The following WDR20 variants were observed in gnomAD, a reference collection of about 807,000 sequenced individuals.
The protein encoded by WDR20 is WD repeat domain 20.
Under a neutral mutation model 38.7 loss-of-function variants are expected in WDR20, and 3 were observed. That is an observed-to-expected ratio of 0.08 (90% confidence interval 0.04 to 0.20). The LOEUF (loss-of-function observed/expected upper bound fraction) is 0.20, where lower values mean the gene tolerates loss of function less well. Ranked by LOEUF, WDR20 falls within the 10% of genes least tolerant of loss-of-function variation. The pLI, the probability that WDR20 is intolerant of heterozygous loss-of-function variation, is 1.00. For synonymous variants in WDR20, 298 were observed against 285.6 expected (o/e 1.04, Z -0.44); for missense variants, 559 against 727.7 (o/e 0.77, Z 2.67).
At chr14:102,147,213 G>C (rs1266824729) in intron 1 of WDR20, among the ~76,000 whole-genome samples, 1 of 152,100 alleles carries the variant, frequency 6.6e-6, no homozygotes, top group African/African-American at 2.4e-5. Context: ...TGGCCAACAC[G>C]GGGAAACCAC....
chr14:102,211,954 G>T (rs550634951), downstream of WDR20, among the ~76,000 whole-genome samples: 11 of 152,280 alleles, frequency 7.2e-5, no homozygotes, highest in East Asian at 1.9e-3. The surrounding 1 kb of genome is among the most constrained non-coding windows in gnomAD (Gnocchi z 4.2). Flanking sequence ...GTGTGTGCCC[G>T]AGTAACCAAC....
At chr14:102,182,830 A>C (rs1191013617) in intron 1 of WDR20, among the ~76,000 whole-genome samples, 1 of 152,132 alleles carries the variant, frequency 6.6e-6, no homozygotes, top group Non-Finnish European at 1.5e-5. Context: ...CTTTGCAAAT[A>C]TGTACATGTA....
rs183095753 is a variant in WDR20, at chr14:102,152,470, A to G, written c.249+12298A>G. Among the ~76,000 whole-genome samples, 650 of 150,684 alleles carry G rather than the reference A, an allele frequency of 4.3e-3. 7 individuals carry two copies. The highest frequency in any genetic ancestry group is 0.015 in the African/African-American group (621 of 41,020). On this transcript the variant is annotated intron_variant, in intron 1 of 2. Transcript: ENST00000342702. ...TTGCTCTGTCACCAGGCTGGAGTAC[A>G]GTGGGGTGATCTCGGCTCACTGCAG...
chr14:102,141,159 T>A (rs2050945054), intron 1 of WDR20, among the ~76,000 whole-genome samples: 2 of 152,348 alleles, frequency 1.3e-5, no homozygotes, highest in South Asian at 4.1e-4. Context: ...AGTCTTTGAC[T>A]TGATGTCATG....
Position 102,210,026 on chromosome 14 carries a change from C to G in WDR20, c.*146C>G. The G allele has an allele frequency of 7.0e-7, 1 of 1,424,210 alleles. No individual in the cohort carries two copies. The highest frequency in any genetic ancestry group is 3.0e-5 in the Admixed American group (1 of 32,972). 88.2% of individuals were successfully genotyped at this position (1,424,210 alleles called of 1,614,324 possible). A position where few individuals can be genotyped will look rare whatever the true frequency, so the allele number is the denominator to read the frequency against. On this transcript the variant is annotated 3_prime_UTR_variant, in exon 3 of 3. Coordinates refer to ENST00000342702, the MANE Select transcript of WDR20 (RefSeq NM_144574.4). ...AGCCATAATTTTGGATACTGCATGC[C>G]ATGTAATTCTGAATCATTTGATAAT...
Position 102,209,755 on chromosome 14 carries a change from A to G in WDR20, c.1585A>G (p.Lys529Glu). ...DVPLLEPLICKKIAHERLTVL... is the reference protein window; with the variant it reads ...DVPLLEPLICEKIAHERLTVL... ...TCCCTTGTTAGAGCCGCTGATATGT[A>G]AAAAGATAGCACATGAGAGACTGAC... The change falls in exon 3 of 3, where the codon AAA becomes GAA. Residue 529 changes from lysine to glutamate, a missense_variant. By Grantham distance (56) the Lys-to-Glu change is moderately conservative. Coordinates refer to ENST00000342702, the MANE Select transcript of WDR20 (RefSeq NM_144574.4). The surrounding 1 kb of genome is among the most constrained non-coding windows in gnomAD (Gnocchi z 6.0). 1 of 1,614,128 alleles carries G rather than the reference A, an allele frequency of 6.2e-7. No individual in the cohort carries two copies. The highest frequency in any genetic ancestry group is 8.5e-7 in the Non-Finnish European group (1 of 1,180,044).
Position 102,148,094 on chromosome 14 carries a change from TTC to T in WDR20, c.249+7924_249+7925del, listed in dbSNP as rs2054331000. ...TGGAATTTAGTATCTCAGAGAATAA[TTC>T]TGTTTGTTTCTCAGTGAGGTTAGTT... On this transcript the variant is annotated intron_variant, in intron 1 of 2. Transcript: ENST00000342702. Among the ~76,000 whole-genome samples, 2 of 152,324 alleles carry T rather than the reference TTC, an allele frequency of 1.3e-5. 1 individual carries two copies. The highest frequency in any genetic ancestry group is 6.8e-3 in the Middle Eastern group (2 of 294).
chr14:102,145,802 A>T (rs1391664860), intron 1 of WDR20, among the ~76,000 whole-genome samples: 1 of 152,064 alleles, frequency 6.6e-6, no homozygotes, highest in Non-Finnish European at 1.5e-5. Context: ...ATAAACAAAA[A>T]CTATACTCAG....
At position 102,208,803 on chromosome 14, in the gene WDR20, C is replaced by A; in HGVS notation, c.633C>A (p.Asn211Lys). The change falls in exon 3 of 3, where the codon AAC (asparagine) becomes AAA (lysine). Residue 211 changes from asparagine to lysine, a missense_variant. Coordinates refer to ENST00000342702, the MANE Select transcript of WDR20 (RefSeq NM_144574.4). The surrounding 1 kb of genome is among the most constrained non-coding windows in gnomAD (Gnocchi z 5.6). ...CTTGCAAGAGCAAATCCACGAGGAA[C>A]CCTCTCCTTAAGTGGACGGTGGGCG... is the stretch of plus-strand genomic sequence containing the variant. ...VHTCKSKSTR[N>K]PLLKWTVGEG... is the part of the protein sequence containing the mutation. 1.2e-6 allele frequency: 2 copies of A among 1,614,238 alleles called. No homozygotes were observed. The highest frequency in any genetic ancestry group is 1.7e-6 in the Non-Finnish European group (2 of 1,180,044).
At chr14:102,139,509 C>T, upstream of WDR20, 1 of 1,241,366 alleles carries the variant, frequency 8.1e-7, no homozygotes, top group South Asian at 1.5e-5. Context: ...CAGGGCAGGG[C>T]GGGAGACCGC....
chr14:102,210,041 C>A lies in WDR20; in HGVS notation c.*161C>A. 1 of 1,408,140 alleles carries A rather than the reference C, an allele frequency of 7.1e-7. No individual in the cohort carries two copies. Among genetic ancestry groups the A allele is most frequent in the East Asian group, 2.6e-5 (1 of 38,986 alleles). The allele number at this position is 1,408,140 out of a possible 1,614,324, so 87.2% of individuals were successfully genotyped here. A position where few individuals can be genotyped will look rare whatever the true frequency, so the allele number is the denominator to read the frequency against. On this transcript the variant is annotated 3_prime_UTR_variant, in exon 3 of 3. Coordinates refer to ENST00000342702, the MANE Select transcript of WDR20 (RefSeq NM_144574.4). ...TACTGCATGCCATGTAATTCTGAAT[C>A]ATTTGATAATTTACCTTAGAGCATT...
intron 1 of WDR20, among the ~76,000 whole-genome samples, chr14:102,170,205 C>T (rs2060536230): frequency 6.6e-6 from 1 of 152,180 alleles, no homozygotes; most frequent in Non-Finnish European, 1.5e-5. Flanking sequence ...AATGCCTGTA[C>T]AATATCCCAT....
chr14:102,159,796 T>C (rs954774362), intron 1 of WDR20, among the ~76,000 whole-genome samples: 1 of 151,890 alleles, frequency 6.6e-6, no homozygotes, highest in African/African-American at 2.4e-5. Flanking sequence ...ATCAAGCCAC[T>C]GCACTCCAGC....
intron 1 of WDR20, among the ~76,000 whole-genome samples, chr14:102,179,527 C>T (rs1296827730): frequency 1.3e-5 from 2 of 151,710 alleles, no homozygotes; most frequent in Non-Finnish European, 2.9e-5. Flanking sequence ...AAGCAGTCCT[C>T]CCATCTCAGC....
At chr14:102,145,522 C>G (rs2053276974) in intron 1 of WDR20, among the ~76,000 whole-genome samples, 1 of 152,108 alleles carries the variant, frequency 6.6e-6, no homozygotes, top group Non-Finnish European at 1.5e-5. Context: ...TTTTGGGAGG[C>G]CAAGGCGGGA....
chr14:102,210,734 G>A (rs1182870371), downstream of WDR20, among the ~76,000 whole-genome samples: 1 of 151,590 alleles, frequency 6.6e-6, no homozygotes, highest in African/African-American at 2.4e-5. Flanking sequence ...GTTTTTTGCC[G>A]GGGGCGGGGA....
At chr14:102,214,095 T>C, downstream of WDR20, 1 of 985,538 alleles carries the variant, frequency 1.0e-6, no homozygotes, top group African/African-American at 1.7e-5. Flanking sequence ...CGGCGGTCGG[T>C]GTGCCCTTGG....
At chr14:102,206,906 C>T (rs562065924) in intron 2 of WDR20, among the ~76,000 whole-genome samples, 6 of 152,316 alleles carry the variant, frequency 3.9e-5, no homozygotes, top group Non-Finnish European at 5.9e-5. Context: ...CCTGCTCTGG[C>T]CATGTAAATT....
chr14:102,200,943 C>T (rs921451171), intron 2 of WDR20, among the ~76,000 whole-genome samples: 1 of 152,236 alleles, frequency 6.6e-6, no homozygotes, highest in Non-Finnish European at 1.5e-5. Flanking sequence ...CACATCCTGC[C>T]AGCTGCAGGT....
Sources: allele counts gnomAD v4.1 joint callset (sites outside exome capture counted in the v4.1 genomes callset), GRCh38; gene constraint gnomAD v4.1.1; non-coding constraint Gnocchi (gnomAD v3.1); transcripts MANE v1.5; gene names NCBI Gene and HGNC (gene_info 2026-07-23, HGNC 2026-07-21).